C11orf16: variants seen among roughly 807,000 people sequenced by gnomAD.
C11orf16 encodes uncharacterized protein C11orf16.
C11orf16 carries 38 observed loss-of-function variants against 45.1 expected under a neutral mutation model. That is an observed-to-expected ratio of 0.84 (90% CI 0.65 to 1.10). The LOEUF is 1.10. Ranked by LOEUF, C11orf16 falls within the 50% of genes least tolerant of loss-of-function variation. The pLI, the probability that C11orf16 is intolerant of heterozygous loss-of-function variation, is 0.00. For synonymous variants in C11orf16, 221 were observed against 222.0 expected (o/e 1.00, Z 0.04); for missense variants, 583 against 569.5 (o/e 1.02, Z -0.24).
At chr11:8,929,080 T>C in intron 3 of C11orf16, 1 of 301,620 alleles carries the variant, frequency 3.3e-6, no homozygotes, top group Non-Finnish European at 6.1e-6. Context: ...TGGGAATGAT[T>C]CTTCTTCATA....
chr11:8,921,400 T>C lies in C11orf16; in HGVS notation c.1320A>G (p.Pro440=), dbSNP rs1179865400. Residue 440 remains proline, a synonymous_variant, in exon 6 of 7, where the codon CCA becomes CCG. Coordinates refer to ENST00000326053, the MANE Select transcript of C11orf16 (RefSeq NM_020643.3). ...ELVSKATHMK[P]PRTPPGEAEH... The stretch of plus-strand genomic sequence containing the variant: ...CAGCTTCCCCTGGCGGGGTCCGCGG[T>C]GGCTTCATGTGGGTTGCTTTCGAGA... 6.2e-7 allele frequency: 1 copy of C among 1,614,226 alleles called. No individual in the cohort carries two copies. Among genetic ancestry groups the C allele is most frequent in the Non-Finnish European group, 8.5e-7 (1 of 1,180,032 alleles).
intron 1 of C11orf16, 99 bp from the exon 2 acceptor site, chr11:8,932,425 G>T: frequency 1.0e-6 from 1 of 999,264 alleles, no homozygotes; most frequent in Non-Finnish European, 1.4e-6. Context: ...TGCCTCTGGG[G>T]ACAGTTGAGT....
Position 8,920,390 on chromosome 11 carries a change from GA to G in C11orf16, c.*82del. 1 of 656,816 alleles carries G rather than the reference GA, an allele frequency of 1.5e-6. No individual in the cohort carries two copies. Among genetic ancestry groups the G allele is most frequent in the African/African-American group, 1.8e-5 (1 of 54,646 alleles). The allele number at this position is 656,816 out of a possible 1,614,324, so 40.7% of individuals were successfully genotyped here. On this transcript the variant is annotated 3_prime_UTR_variant, in exon 7 of 7. Transcript: ENST00000326053. ...CTGTCCTCTGCCTCCTTCCGTTGAA[GA>G]AGGCCTTGTCAGCCACTCTGTATAA... is the stretch of plus-strand genomic sequence containing the variant.
chr11:8,926,043 A>C lies in C11orf16; in HGVS notation c.624T>G (p.Gly208=), dbSNP rs774276437. The C allele has an allele frequency of 6.2e-7, 1 of 1,613,984 alleles. No individual in the cohort carries two copies. Among genetic ancestry groups the C allele is most frequent in the South Asian group, 1.1e-5 (1 of 91,078 alleles). Residue 208 remains glycine, a synonymous_variant, in exon 5 of 7, where the codon GGT becomes GGG. Transcript: ENST00000326053. ...WNGKAAKVPL[G]GVQSVSLTIW... is the part of the protein sequence containing the mutation. ...TGGTCAGGGACACCGACTGGACCCC[A>C]CCTAGGGGCACTTTAGCAGCTTTGC...
At position 8,926,453 on chromosome 11, in the gene C11orf16, A is replaced by G. The variant is rs2064614183; in HGVS notation, c.560-346T>C. ...CCTGCCAGGAACATCCTTCACCTGC[A>G]CCATAGTTACCTCCACTTCCCAAGG... is the stretch of plus-strand genomic sequence containing the variant. On this transcript the variant is annotated intron_variant, in intron 4 of 6. Transcript: ENST00000326053. Among the ~76,000 whole-genome samples the G allele has an allele frequency of 2.0e-5, 3 of 151,896 alleles. No individual in the cohort carries two copies. The South Asian group carries it at 6.2e-4, about 32-fold the overall frequency.
intron 3 of C11orf16, among the ~76,000 whole-genome samples, chr11:8,928,296 T>C (rs1406406690): frequency 6.7e-6 from 1 of 148,606 alleles, no homozygotes; most frequent in Non-Finnish European, 1.5e-5. Flanking sequence ...ATTCACAAAG[T>C]AAGTCTGACT....
chr11:8,928,516 G>A (rs2064630090), intron 3 of C11orf16, among the ~76,000 whole-genome samples: 1 of 152,116 alleles, frequency 6.6e-6, no homozygotes, highest in Non-Finnish European at 1.5e-5. Context: ...TTTCTTCTCT[G>A]TTATGCATTG....
Position 8,925,591 on chromosome 11 carries a change from AG to A in C11orf16, c.1075del (p.Leu359Ter). 1 of 1,614,250 alleles carries A rather than the reference AG, an allele frequency of 6.2e-7. No individual in the cohort carries two copies. Among genetic ancestry groups the A allele is most frequent in the African/African-American group, 1.3e-5 (1 of 75,058 alleles). ...TGTGTTGACTGCACTGTTCACCATCAGTCTCTGGGGAGGGCCCATCTCCAGA... is the reference window on the plus strand; with the variant it reads ...TGTGTTGACTGCACTGTTCACCATCATCTCTGGGGAGGGCCCATCTCCAGA... Reference protein sequence around the residue: ...NDLEMGPPQRLMVNSAVNTDP... With the variant: ...NDLEMGPPQRXMVNSAVNTDP... On this transcript the variant is annotated frameshift_variant, in exon 5 of 7. Coordinates refer to ENST00000326053, the MANE Select transcript of C11orf16 (RefSeq NM_020643.3). LOFTEE classifies it high-confidence loss of function.
intron 5 of C11orf16, among the ~76,000 whole-genome samples, chr11:8,924,415 A>G (rs1454509832): frequency 2.6e-5 from 4 of 152,156 alleles, no homozygotes; most frequent in Non-Finnish European, 5.9e-5. Flanking sequence ...AATCCCAGCT[A>G]CTGGGGAGGC....
chr11:8,927,552 C>G (rs889482555), intron 3 of C11orf16: 1 of 455,488 alleles, frequency 2.2e-6, no homozygotes, highest in Non-Finnish European at 4.4e-6. Flanking sequence ...CTTCCAGCAC[C>G]CCCAAGAAGC....
chr11:8,921,476 T>C lies in C11orf16; in HGVS notation c.1244A>G (p.His415Arg). ...TGCAGTTTGTGCTCTCTGCTGTTTG[T>C]GATCCTTTTCTTCTTTGCAGATGTT... ...YSNICKEEKD[H>R]KQQRAQTAVV... The change falls in exon 6 of 7, where the codon CAC becomes CGC. Residue 415 changes from histidine to arginine, a missense_variant. Coordinates refer to ENST00000326053, the MANE Select transcript of C11orf16 (RefSeq NM_020643.3). 6.2e-7 allele frequency: 1 copy of C among 1,614,250 alleles called. No individual in the cohort carries two copies. The highest frequency in any genetic ancestry group is 8.5e-7 in the Non-Finnish European group (1 of 1,180,032).
intron 2 of C11orf16, among the ~76,000 whole-genome samples, chr11:8,929,735 G>T (rs2064638260): frequency 6.6e-6 from 1 of 152,220 alleles, no homozygotes; most frequent in South Asian, 2.1e-4. Context: ...ACAGTGAAGG[G>T]AACCATCCTT....
intron 1 of C11orf16, among the ~76,000 whole-genome samples, 175 bp downstream of exon 1, chr11:8,932,726 A>G (rs1243848206): frequency 3.3e-5 from 5 of 152,148 alleles, no homozygotes; most frequent in African/African-American, 4.8e-5. Context: ...CTACAAGGCT[A>G]GTTCTGGCCT....
At chr11:8,931,493 C>T (rs1052216146) in intron 2 of C11orf16, among the ~76,000 whole-genome samples, 1 of 152,148 alleles carries the variant, frequency 6.6e-6, no homozygotes, top group African/African-American at 2.4e-5. Flanking sequence ...CGAGTTCAAG[C>T]AATTCTCTGC....
In C11orf16 at chr11:8,926,931, T is replaced by C. The variant is rs371330081; in HGVS notation, c.559+9A>G. On this transcript the variant is annotated intron_variant, in intron 4 of 6. Transcript: ENST00000326053. The stretch of plus-strand genomic sequence containing the variant: ...CTGGGCACTGATGGGTCAGAGCAGC[T>C]TCTCTTACCTCTCTGGGGATCTCTC... 2.9e-5 allele frequency: 47 copies of C among 1,610,460 alleles called. No homozygotes were observed. In the South Asian group the frequency reaches 4.8e-4, roughly 17 times the overall value.
At chr11:8,931,439 A>T (rs972987442) in intron 2 of C11orf16, among the ~76,000 whole-genome samples, 2 of 151,932 alleles carry the variant, frequency 1.3e-5, no homozygotes, top group African/African-American at 2.4e-5. Flanking sequence ...CCCAGGCTGG[A>T]GTGCAATGGT....
Position 8,932,895 on chromosome 11 carries a change from A to T in C11orf16, c.-19+6T>A, listed in dbSNP as rs1316662170. Reference sequence around the variant, plus strand: ...AGTCCACAGGTCTGACCCCACAAGGACTTACCCACAGCCCCAAACTCCCAG... The same window carrying T: ...AGTCCACAGGTCTGACCCCACAAGGTCTTACCCACAGCCCCAAACTCCCAG... On this transcript the variant is annotated splice_donor_region_variant and intron_variant, in intron 1 of 6. Coordinates refer to ENST00000326053, the MANE Select transcript of C11orf16 (RefSeq NM_020643.3). 6.6e-6 allele frequency: 1 copy of T among 152,488 alleles called. No homozygotes were observed. The highest frequency in any genetic ancestry group is 1.5e-5 in the Non-Finnish European group (1 of 68,348). 9.4% of individuals were successfully genotyped at this position (152,488 alleles called of 1,614,324 possible).
chr11:8,927,258 A>C (rs545090201), intron 3 of C11orf16, 84 bp from the exon 4 acceptor site: 3 of 1,059,336 alleles, frequency 2.8e-6, no homozygotes, highest in Middle Eastern at 2.1e-4. Context: ...ATGCCCCCCA[A>C]ATCAGGCCCA....
At chr11:8,929,986 G>A (rs2247038) in intron 2 of C11orf16, among the ~76,000 whole-genome samples, 42,923 of 151,900 alleles carry the variant, frequency 0.28, 6,985 homozygotes, top group South Asian at 0.44. Flanking sequence ...TGGGTGTGGT[G>A]GTGTGAGCCT....
Sources: allele counts gnomAD v4.1 joint callset (sites outside exome capture counted in the v4.1 genomes callset), GRCh38; gene constraint gnomAD v4.1.1; transcripts MANE v1.5; gene names NCBI Gene and HGNC (gene_info 2026-07-23, HGNC 2026-07-21).